Variants in OSBPL3 observed in about 807,000 individuals in gnomAD.
OSBPL3 encodes oxysterol-binding protein-related protein 3.
A neutral mutation model predicts 120.1 loss-of-function variants in OSBPL3; 65 were observed. The ratio of observed to expected loss-of-function variants is 0.54; its 90% CI spans 0.44 to 0.67. The LOEUF is 0.67. Ranked by LOEUF, OSBPL3 falls within the 30% of genes least tolerant of loss-of-function variation. The probability of loss-of-function intolerance (pLI) is 0.00; values close to 1 mark genes in which losing one functional copy is unlikely to be tolerated. For missense variants in OSBPL3, 1,004 were observed against 1,082.1 expected, an observed-to-expected ratio of 0.93 and a Z score of 1.01; for synonymous variants, 416 against 402.6, an observed-to-expected ratio of 1.03 and a Z score of -0.40.
chr7:24,814,458 T>C (rs62449826), intron 19 of OSBPL3, among the ~76,000 whole-genome samples: 3 of 150,074 alleles, frequency 2.0e-5, no homozygotes, highest in Non-Finnish European at 3.0e-5. Context: ...CAGCATGACA[T>C]TAAAAAAAAA....
chr7:24,953,441 TA>T lies in OSBPL3; in HGVS notation c.-150+26444del, dbSNP rs971828738. Among the ~76,000 whole-genome samples the T allele has an allele frequency of 6.7e-5, 10 of 149,982 alleles. No individual in the cohort carries two copies. Among genetic ancestry groups the T allele is most frequent in the Non-Finnish European group, 8.9e-5 (6 of 67,140 alleles). On this transcript the variant is annotated intron_variant, in intron 1 of 22. Coordinates refer to ENST00000313367, the MANE Select transcript of OSBPL3 (RefSeq NM_015550.4). This position sits in a 1 kb window ranked among gnomAD's most constrained non-coding sequence, Gnocchi z 4.3. ...AATGTGTCTTATTAAAGTATTGTGT[TA>T]AAAAAAAAAGTATTACGTATCTGCT...
chr7:24,854,489 T>TACAC lies in OSBPL3; in HGVS notation c.1028-1859_1028-1856dup, dbSNP rs1267798501. 1.4e-3 allele frequency among the ~76,000 whole-genome samples: 175 copies of TACAC among 127,488 alleles called. No homozygotes were observed. Among genetic ancestry groups the TACAC allele is most frequent in the African/African-American group, 4.5e-3 (141 of 31,268 alleles). 83.6% of individuals were successfully genotyped at this position (127,488 alleles called of 152,430 possible). On this transcript the variant is annotated intron_variant, in intron 10 of 22. Transcript: ENST00000313367. This position sits in a 1 kb window ranked among gnomAD's most constrained non-coding sequence, Gnocchi z 4.1. Reference sequence around the variant, plus strand: ...ATCTTAACAAAGTCACAACAATTTGTACACACACACACGCACACACACACA... The same window carrying TACAC: ...ATCTTAACAAAGTCACAACAATTTGTACACACACACACACACGCACACACACACA...
Position 24,872,448 on chromosome 7 carries a change from AGTGTGTGTGTGTGT to A in OSBPL3, c.97-393_97-380del, listed in dbSNP as rs371127031. Among the ~76,000 whole-genome samples, 9 of 144,890 alleles carry A rather than the reference AGTGTGTGTGTGTGT, an allele frequency of 6.2e-5. No homozygotes were observed. The highest frequency in any genetic ancestry group is 6.8e-5 in the Admixed American group (1 of 14,604). On this transcript the variant is annotated intron_variant, in intron 2 of 22. Coordinates refer to ENST00000313367, the MANE Select transcript of OSBPL3 (RefSeq NM_015550.4). The surrounding 1 kb of genome is among the most constrained non-coding windows in gnomAD (Gnocchi z 4.1). ...TCAGTCTGAATTTTAACCGAAAGAGAGTGTGTGTGTGTGTGTGTGTGTGTGTGTGTGTGTGTGTG... is the reference window on the plus strand; with the variant it reads ...TCAGTCTGAATTTTAACCGAAAGAGAGTGTGTGTGTGTGTGTGTGTGTGTG...
chr7:24,865,959 C>A, intron 6 of OSBPL3, 111 bp downstream of exon 6: 1 of 793,068 alleles, frequency 1.3e-6, no homozygotes, highest in Non-Finnish European at 2.1e-6. Flanking sequence ...CCCAAGCCTA[C>A]CCTGCTTGTC....
At chr7:24,853,692 A>G (rs1413484488) in intron 10 of OSBPL3, among the ~76,000 whole-genome samples, 3 of 152,246 alleles carry the variant, frequency 2.0e-5, no homozygotes, top group Non-Finnish European at 2.9e-5. Context: ...ATACTAAAGT[A>G]TAAAGCCATA....
rs989497386 is a variant in OSBPL3 at position 24,956,633 on chromosome 7, G to C, written c.-150+23253C>G. On this transcript the variant is annotated intron_variant, in intron 1 of 22. Transcript: ENST00000313367. ...GTTTATAAAGTTAGTCTCATTGTTA[G>C]ACCTCAAACTTCTGATTCTTTGTAT... Among the ~76,000 whole-genome samples, 4 of 152,172 alleles carry C rather than the reference G, an allele frequency of 2.6e-5. No homozygotes were observed. The South Asian group carries it at 6.2e-4, about 24-fold the overall frequency.
rs1057507379 is a variant in OSBPL3, at chr7:24,979,657, T to A, written c.-150+229A>T. 2.0e-5 allele frequency among the ~76,000 whole-genome samples: 3 copies of A among 151,910 alleles called. No individual in the cohort carries two copies. The East Asian group carries it at 5.9e-4, about 30-fold the overall frequency. On this transcript the variant is annotated intron_variant, in intron 1 of 22. Transcript: ENST00000313367. ...CTCTGAGCCGTCCCTCGAGGGAAGGTGTCCTGGGGTGGGTGAGACCCGGGT... is the reference window on the plus strand; with the variant it reads ...CTCTGAGCCGTCCCTCGAGGGAAGGAGTCCTGGGGTGGGTGAGACCCGGGT...
At chr7:24,810,135 C>A (rs1793596017) in intron 19 of OSBPL3, 184 bp from the exon 20 acceptor site, 2 of 597,148 alleles carry the variant, frequency 3.3e-6, no homozygotes, top group East Asian at 2.9e-5. Context: ...TTATCATGTA[C>A]AACATAGTGT....
intron 1 of OSBPL3, among the ~76,000 whole-genome samples, chr7:24,931,315 A>G (rs1584658926): frequency 6.6e-6 from 1 of 152,212 alleles, no homozygotes; most frequent in Non-Finnish European, 1.5e-5. Context: ...ATAATGGTCC[A>G]CAAATATGTC....
In OSBPL3 at chr7:24,806,064, C is replaced by T. The variant is rs1245486723; in HGVS notation, c.2444+712G>A. ...CTCCTCCTCTTGGGTTCAAGCAATT[C>T]TCGTGCCTCAGCCTCCCAAGTAGTT... On this transcript the variant is annotated intron_variant, in intron 21 of 22. Coordinates refer to ENST00000313367, the MANE Select transcript of OSBPL3 (RefSeq NM_015550.4). This position sits in a 1 kb window ranked among gnomAD's most constrained non-coding sequence, Gnocchi z 5.2. 2.6e-5 allele frequency among the ~76,000 whole-genome samples: 4 copies of T among 152,188 alleles called. No homozygotes were observed. The highest frequency in any genetic ancestry group is 4.8e-5 in the African/African-American group (2 of 41,444).
Position 24,806,961 on chromosome 7 carries a change from T to C in OSBPL3, c.2318-59A>G. ...GCATGTTACTTATGTTACATTTTAA[T>C]TCCTTCACCTTTTTCGTCTCAGCCT... On this transcript the variant is annotated intron_variant, in intron 20 of 22. Coordinates refer to ENST00000313367, the MANE Select transcript of OSBPL3 (RefSeq NM_015550.4). The surrounding 1 kb of genome is among the most constrained non-coding windows in gnomAD (Gnocchi z 5.2). 1 of 1,468,296 alleles carries C rather than the reference T, an allele frequency of 6.8e-7. No homozygotes were observed. The allele number at this position is 1,468,296 out of a possible 1,614,324, so 91.0% of individuals were successfully genotyped here.
chr7:24,944,603 T>G lies in OSBPL3; in HGVS notation c.-150+35283A>C, dbSNP rs1395273409. The stretch of plus-strand genomic sequence containing the variant: ...TGAGATTGCGCCACTGCACTCCATC[T>G]TGGGTGAAAGAGCGAGACTCCAAAA... On this transcript the variant is annotated intron_variant, in intron 1 of 22. Transcript: ENST00000313367. Among the ~76,000 whole-genome samples the G allele has an allele frequency of 4.0e-5, 6 of 149,486 alleles. No individual in the cohort carries two copies. In the East Asian group the frequency reaches 7.7e-4, roughly 19 times the overall value.
Position 24,917,324 on chromosome 7 carries a change from C to T in OSBPL3, c.-149-24703G>A, listed in dbSNP as rs866134532. On this transcript the variant is annotated intron_variant, in intron 1 of 22. Transcript: ENST00000313367. ...CAGGCACCATACAGACTGCGCAATACAAGTAACAGATTTTAAAAACCCAAA... is the reference window on the plus strand; with the variant it reads ...CAGGCACCATACAGACTGCGCAATATAAGTAACAGATTTTAAAAACCCAAA... Among the ~76,000 whole-genome samples the T allele has an allele frequency of 2.7e-5, 4 of 148,468 alleles. No homozygotes were observed. The Middle Eastern group carries it at 0.01, about 389-fold the overall frequency.
chr7:24,931,858 G>A (rs1562983638), intron 1 of OSBPL3, among the ~76,000 whole-genome samples: 1 of 152,290 alleles, frequency 6.6e-6, no homozygotes, highest in East Asian at 1.9e-4. Context: ...CAACAAGACT[G>A]ATACTGTCTC....
rs575735973 is a variant in OSBPL3, at chr7:24,842,291, A to G, written c.1389T>C (p.Ser463=). 2 of 1,613,230 alleles carry G rather than the reference A, an allele frequency of 1.2e-6. No homozygotes were observed. The highest frequency in any genetic ancestry group is 1.1e-5 in the South Asian group (1 of 90,802). Residue 463 remains serine (S), a synonymous_variant, in exon 13 of 23, where the codon TCT becomes TCC. Transcript: ENST00000313367. The stretch of plus-strand genomic sequence containing the variant: ...ACATTGCTCAAACCTCGTTTTCTGA[A>G]GAGCTTGGAGATAACAGAACTTCCT... ...DAQEVLLSPS[S]SENEISDDDS...
intron 1 of OSBPL3, among the ~76,000 whole-genome samples, chr7:24,978,356 G>C (rs1235408906): frequency 6.6e-6 from 1 of 152,234 alleles, no homozygotes; most frequent in African/African-American, 2.4e-5. Context: ...CAAACCTACT[G>C]CGTGTTCTTG....
chr7:24,856,512 A>G (rs1321211869), intron 10 of OSBPL3, among the ~76,000 whole-genome samples: 1 of 152,186 alleles, frequency 6.6e-6, no homozygotes, highest in African/African-American at 2.4e-5. Context: ...TGCCATGGGT[A>G]CCGCTCTAGA....
intron 2 of OSBPL3, among the ~76,000 whole-genome samples, chr7:24,890,161 T>TGAAAGAAAGAAA (rs1253729010): frequency 6.6e-6 from 1 of 152,198 alleles, no homozygotes; most frequent in South Asian, 2.1e-4. Context: ...CCCCTCCAGA[T>TGAAAGAAAGAAA]GAAAGAAAGA....
intron 14 of OSBPL3, among the ~76,000 whole-genome samples, chr7:24,838,787 G>C (rs1376951636): frequency 2.0e-5 from 3 of 152,176 alleles, no homozygotes; most frequent in Non-Finnish European, 4.4e-5. Flanking sequence ...GTTTGCCAAG[G>C]GAGTGATGTT....
Sources: gnomAD v4.1 joint callset for allele counts (sites outside exome capture counted in the v4.1 genomes callset) on GRCh38, gnomAD v4.1.1 for gene constraint, Gnocchi (gnomAD v3.1) non-coding constraint, MANE v1.5 for transcripts, NCBI Gene and HGNC (gene_info 2026-07-23, HGNC 2026-07-21) for gene names.